Variants in EPHA3 observed in about 807,000 individuals in gnomAD.
EPHA3 encodes the protein ephrin type-A receptor 3.
Under a neutral mutation model 107.1 loss-of-function variants are expected in EPHA3, and 42 were observed. The observed-to-expected ratio is 0.39, with a 90% CI of 0.31 to 0.51. The LOEUF (loss-of-function observed/expected upper bound fraction) is 0.51, where lower values mean the gene tolerates loss of function less well. Ranked by LOEUF, EPHA3 falls within the 20% of genes least tolerant of loss-of-function variation. The pLI, the probability that EPHA3 is intolerant of heterozygous loss-of-function variation, is 0.78. For missense variants in EPHA3, 1,183 were observed against 1,211.2 expected, an observed-to-expected ratio of 0.98 and a Z score of 0.35; for synonymous variants, 461 against 424.8, an observed-to-expected ratio of 1.09 and a Z score of -1.05.
intron 3 of EPHA3, among the ~76,000 whole-genome samples, chr3:89,261,903 T>G (rs549726289): frequency 6.6e-5 from 10 of 151,626 alleles, no homozygotes; most frequent in Admixed American, 6.6e-4. Context: ...CCTAATACCT[T>G]TGACCAACAC....
chr3:89,183,866 CTTGTAA>C (rs1411104176), intron 2 of EPHA3, among the ~76,000 whole-genome samples: 2 of 151,808 alleles, frequency 1.3e-5, no homozygotes, highest in Admixed American at 6.6e-5. Context: ...GTTGAAACTA[CTTGTAA>C]TTGTAAAAGT....
At position 89,410,305 on chromosome 3, in the gene EPHA3, A is replaced by G. The variant is rs1399146420; in HGVS notation, c.1762+2174A>G. ...ATTTAGTAATAGTAGTATTGCATAT[A>G]GGTATCCATCATACATATATTCTCT... On this transcript the variant is annotated intron_variant, in intron 9 of 16. Transcript: ENST00000336596. Among the ~76,000 whole-genome samples, 5 of 152,124 alleles carry G rather than the reference A, an allele frequency of 3.3e-5. No homozygotes were observed. The East Asian group carries it at 9.7e-4, about 29-fold the overall frequency.
At chr3:89,306,140 G>T (rs1706615319) in intron 3 of EPHA3, among the ~76,000 whole-genome samples, 1 of 152,028 alleles carries the variant, frequency 6.6e-6, no homozygotes, top group African/African-American at 2.4e-5. Context: ...ATTTAATAAT[G>T]ATTAGTTTCT....
At chr3:89,210,630 C>T in intron 3 of EPHA3, 110 bp downstream of exon 3, 2 of 1,144,138 alleles carry the variant, frequency 1.7e-6, no homozygotes, top group Non-Finnish European at 2.4e-6. Context: ...GGAAAACATG[C>T]CTCAAACTGA....
At chr3:89,201,463 A>G (rs1053614644) in intron 2 of EPHA3, among the ~76,000 whole-genome samples, 2 of 152,234 alleles carry the variant, frequency 1.3e-5, no homozygotes, top group Non-Finnish European at 2.9e-5. Flanking sequence ...AATACATGGC[A>G]TTAAATGAGG....
At chr3:89,160,586 GT>G (rs60848723) in intron 2 of EPHA3, among the ~76,000 whole-genome samples, 1 of 140,770 alleles carries the variant, frequency 7.1e-6, no homozygotes, top group East Asian at 2.0e-4. Flanking sequence ...GTGTGTGTGT[GT>G]GTGCGCGCAT....
intron 5 of EPHA3, among the ~76,000 whole-genome samples, chr3:89,383,630 C>T (rs1310138914): frequency 7.2e-6 from 1 of 138,030 alleles, no homozygotes; most frequent in Admixed American, 7.3e-5. Context: ...GGTCAGCCTA[C>T]TTCTTCTTCT....
chr3:89,230,855 C>CCT (rs1559611188), intron 3 of EPHA3, among the ~76,000 whole-genome samples: 3 of 148,664 alleles, frequency 2.0e-5, no homozygotes, highest in African/African-American at 7.5e-5. Context: ...CACACACACA[C>CCT]ACCTTTGCTT....
chr3:89,263,756 A>G (rs1043775395), intron 3 of EPHA3, among the ~76,000 whole-genome samples: 1 of 152,076 alleles, frequency 6.6e-6, no homozygotes, highest in Non-Finnish European at 1.5e-5. Context: ...TTAGGAAAAG[A>G]CAGCATTCAA....
intron 2 of EPHA3, among the ~76,000 whole-genome samples, chr3:89,138,819 A>G (rs1388548221): frequency 2.0e-5 from 3 of 151,782 alleles, no homozygotes; most frequent in Admixed American, 6.6e-5. Context: ...AATCTTCATT[A>G]TTTTCTTTTC....
chr3:89,354,486 A>G lies in EPHA3; in HGVS notation c.1306+12396A>G, dbSNP rs1479028883. Reference sequence around the variant, plus strand: ...GTGTTCAAATAGAAAAAAAAAATACATCCCTTTCTTAAGTGACTTTATAGA... The same window carrying G: ...GTGTTCAAATAGAAAAAAAAAATACGTCCCTTTCTTAAGTGACTTTATAGA... On this transcript the variant is annotated intron_variant, in intron 5 of 16. Coordinates refer to ENST00000336596, the MANE Select transcript of EPHA3 (RefSeq NM_005233.6). Among the ~76,000 whole-genome samples the G allele has an allele frequency of 5.3e-5, 8 of 151,114 alleles. No individual in the cohort carries two copies. In the East Asian group the frequency reaches 1.5e-3, roughly 29 times the overall value.
At chr3:89,185,649 C>T (rs1705547209) in intron 2 of EPHA3, among the ~76,000 whole-genome samples, 1 of 152,016 alleles carries the variant, frequency 6.6e-6, no homozygotes, top group African/African-American at 2.4e-5. Context: ...TGTTTTGTTC[C>T]TTCAGTTCTA....
At chr3:89,184,925 T>G (rs910392430) in intron 2 of EPHA3, among the ~76,000 whole-genome samples, 2 of 152,068 alleles carry the variant, frequency 1.3e-5, no homozygotes, top group African/African-American at 4.8e-5. Context: ...ACAGGGAGAT[T>G]GGCATGTCTG....
At chr3:89,381,214 C>T (rs1263137870) in intron 5 of EPHA3, among the ~76,000 whole-genome samples, 2 of 151,854 alleles carry the variant, frequency 1.3e-5, no homozygotes, top group African/African-American at 2.4e-5. Context: ...CCTCGTGATC[C>T]GCCTGCCTCG....
chr3:89,391,402 CT>C (rs1180473395), intron 5 of EPHA3, among the ~76,000 whole-genome samples: 1,602 of 140,872 alleles, frequency 0.011, 45 homozygotes, highest in African/African-American at 0.041. Flanking sequence ...CTTTTCTTTT[CT>C]TTTCTTTTCT....
chr3:89,419,829 T>C (rs569800241), intron 11 of EPHA3, among the ~76,000 whole-genome samples: 18 of 151,420 alleles, frequency 1.2e-4, no homozygotes, highest in African/African-American at 4.1e-4. Context: ...ATCCCTGCCT[T>C]TAGGAAAATT....
At chr3:89,166,508 G>A (rs1705072283) in intron 2 of EPHA3, among the ~76,000 whole-genome samples, 1 of 152,024 alleles carries the variant, frequency 6.6e-6, no homozygotes, top group Non-Finnish European at 1.5e-5. Context: ...TGATAACCAT[G>A]TTACAAGATT....
chr3:89,136,152 T>C (rs1704305043), intron 2 of EPHA3, among the ~76,000 whole-genome samples: 1 of 151,930 alleles, frequency 6.6e-6, no homozygotes, highest in African/African-American at 2.4e-5. Flanking sequence ...TTCTACTTCA[T>C]AGGCTGAATA....
intron 9 of EPHA3, among the ~76,000 whole-genome samples, chr3:89,408,727 T>C (rs1709102106): frequency 6.6e-6 from 1 of 152,140 alleles, no homozygotes; most frequent in Non-Finnish European, 1.5e-5. Context: ...AGACTTTTTT[T>C]CTTTTTCTGG....
Sources: allele counts gnomAD v4.1 joint callset (sites outside exome capture counted in the v4.1 genomes callset), GRCh38; gene constraint gnomAD v4.1.1; transcripts MANE v1.5; gene names NCBI Gene and HGNC (gene_info 2026-07-23, HGNC 2026-07-21).